Variants in NASP observed in about 807,000 individuals in gnomAD.
NASP encodes NASP histone chaperone.
Under a neutral mutation model 89.5 loss-of-function variants are expected in NASP, and 24 were observed. The ratio of observed to expected loss-of-function variants is 0.27; its 90% confidence interval spans 0.19 to 0.38. The LOEUF is 0.38. Ranked by LOEUF, NASP falls within the 10% of genes least tolerant of loss-of-function variation. NASP has a pLI of 1.00. For missense variants in NASP, 848 were observed against 921.4 expected (o/e 0.92, Z 1.03); for synonymous variants, 306 against 324.7 (o/e 0.94, Z 0.62).
chr1:45,592,356 C>T (rs914155063), intron 2 of NASP, among the ~76,000 whole-genome samples: 1 of 152,294 alleles, frequency 6.6e-6, no homozygotes, highest in African/African-American at 2.4e-5. Flanking sequence ...CAAGCAATCC[C>T]CCTGCCTTGG....
chr1:45,613,247 A>G lies in NASP; in HGVS notation c.1505A>G (p.Lys502Arg). 1 of 1,609,820 alleles carries G rather than the reference A, an allele frequency of 6.2e-7. No individual in the cohort carries two copies. The highest frequency in any genetic ancestry group is 2.2e-5 in the East Asian group (1 of 44,738). ...CCAAATGATTCAGTCCTTGAAAACA[A>G]GGTATGTTGTTAGCCACTCAGTACT... ...EMPNDSVLENKSLQENEEEEI... is the reference protein window; with the variant it reads ...EMPNDSVLENRSLQENEEEEI... Residue 502 changes from lysine to arginine, a missense_variant and splice_region_variant, in exon 7 of 15, where the codon AAG becomes AGG. This residue lies in a region of NASP where 464 missense variants were observed against 469.4 expected (regional missense o/e 0.99). Coordinates refer to ENST00000350030, the MANE Select transcript of NASP (RefSeq NM_002482.4).
At chr1:45,598,395 C>G in intron 2 of NASP, among the ~76,000 whole-genome samples, 1 of 152,126 alleles carries the variant, frequency 6.6e-6, no homozygotes, top group East Asian at 1.9e-4. Context: ...TGTGCCTGGA[C>G]CCATTAGTTT....
chr1:45,584,211 C>T lies in NASP; in HGVS notation c.59+6C>T. 2.5e-6 allele frequency: 4 copies of T among 1,582,154 alleles called. No homozygotes were observed. Among genetic ancestry groups the T allele is most frequent in the Non-Finnish European group, 3.4e-6 (4 of 1,163,740 alleles). ...GAGCTGGTTTCTGCCGACAAGTAAG[C>T]GGGACTGTGGAAAGCTTAAGGCACT... is the stretch of plus-strand genomic sequence containing the variant. On this transcript the variant is annotated splice_donor_region_variant and intron_variant, in intron 1 of 14. Coordinates refer to ENST00000350030, the MANE Select transcript of NASP (RefSeq NM_002482.4).
intron 3 of NASP, among the ~76,000 whole-genome samples, chr1:45,604,380 A>C (rs756346643): frequency 6.6e-6 from 1 of 152,256 alleles, no homozygotes; most frequent in African/African-American, 2.4e-5. Flanking sequence ...GTGCTTTTAC[A>C]TACATTAACT....
intron 2 of NASP, among the ~76,000 whole-genome samples, chr1:45,598,877 G>A (rs563455724): frequency 5.3e-5 from 8 of 152,248 alleles, no homozygotes; most frequent in Non-Finnish European, 1.2e-4. Context: ...TTTATGAGGT[G>A]TAGATCCTAG....
chr1:45,599,484 G>C (rs748296959), intron 2 of NASP, among the ~76,000 whole-genome samples: 2 of 151,922 alleles, frequency 1.3e-5, no homozygotes, highest in Non-Finnish European at 2.9e-5. Context: ...CTGGAGTGCA[G>C]TGGCACAATC....
chr1:45,609,781 A>G (rs1180878260), intron 6 of NASP: 1 of 152,278 alleles, frequency 6.6e-6, no homozygotes, highest in South Asian at 2.1e-4. Flanking sequence ...TTTAAAGGTT[A>G]CATGACTTGT....
intron 1 of NASP, among the ~76,000 whole-genome samples, chr1:45,585,490 T>C (rs1040833954): frequency 1.3e-5 from 2 of 152,290 alleles, no homozygotes; most frequent in South Asian, 4.1e-4. Flanking sequence ...TGGGAACTCA[T>C]GGGAAATACA....
rs769308562 is a variant in NASP at position 45,591,249 on chromosome 1, C to G, written c.86C>G (p.Thr29Arg). Residue 29 changes from threonine to arginine, a missense_variant, in exon 2 of 15, where the codon ACA becomes AGA. Transcript: ENST00000350030. Reference protein sequence around the residue: ...DKIEDVPAPSTSADKVESLDV... With the variant: ...DKIEDVPAPSRSADKVESLDV... ...ATTGAAGATGTTCCTGCTCCTTCTA[C>G]ATCTGCAGATAAAGTGGAGAGGTAA... 1 of 1,547,540 alleles carries G rather than the reference C, an allele frequency of 6.5e-7. No homozygotes were observed. Among genetic ancestry groups the G allele is most frequent in the East Asian group, 2.4e-5 (1 of 42,054 alleles).
rs1643939297 is a variant in NASP, at chr1:45,607,993, C to T, written c.1082C>T (p.Ser361Leu). 2 of 1,614,062 alleles carry T rather than the reference C, an allele frequency of 1.2e-6. No individual in the cohort carries two copies. Among genetic ancestry groups the T allele is most frequent in the Non-Finnish European group, 1.7e-6 (2 of 1,179,960 alleles). Residue 361 changes from serine to leucine, a missense_variant, in exon 6 of 15, where the codon TCA (serine) becomes TTA (leucine). This residue lies in a region of NASP where 464 missense variants were observed against 469.4 expected (regional missense o/e 0.99). Coordinates refer to ENST00000350030, the MANE Select transcript of NASP (RefSeq NM_002482.4). ...AAEASAVEAG[S>L]EVSEKPGQEA... ...GAGGCCTCAGCTGTAGAGGCTGGAT[C>T]AGAAGTCTCTGAAAAGCCTGGGCAG...
intron 2 of NASP, among the ~76,000 whole-genome samples, chr1:45,597,458 A>G (rs1162585840): frequency 6.6e-6 from 1 of 152,126 alleles, no homozygotes; most frequent in East Asian, 1.9e-4. Flanking sequence ...AATGAAAAGA[A>G]AACACGGTAG....
intron 2 of NASP, among the ~76,000 whole-genome samples, chr1:45,598,156 T>G (rs1053757609): frequency 2.7e-5 from 4 of 148,332 alleles, no homozygotes; most frequent in African/African-American, 9.9e-5. Flanking sequence ...TTTGACCCAA[T>G]CCATTACTCC....
intron 5 of NASP, 137 bp from the exon 6 acceptor site, chr1:45,607,184 C>A: frequency 1.2e-6 from 1 of 845,928 alleles, no homozygotes; most frequent in Non-Finnish European, 1.8e-6. Context: ...CTCTAGGGGG[C>A]AGATAATTTT....
intron 2 of NASP, among the ~76,000 whole-genome samples, chr1:45,595,914 G>A (rs1643684282): frequency 6.6e-6 from 1 of 152,220 alleles, no homozygotes; most frequent in South Asian, 2.1e-4. Flanking sequence ...GTGATTAAGA[G>A]TTGATTGAGC....
rs147691168 is a variant in NASP, at chr1:45,607,845, G to A, written c.934G>A (p.Asp312Asn). ...PTVKPVDVGG[D>N]EPEEKVVTSE... ...AGTCAAGCCAGTGGATGTGGGTGGG[G>A]ACGAGCCAGAGGAGAAGGTAGTTAC... Residue 312 changes from aspartate to asparagine, a missense_variant, in exon 6 of 15, where the codon GAC becomes AAC. Physicochemically the swap from Asp to Asn is conservative, Grantham distance 23 (BLOSUM62 1). Transcript: ENST00000350030. 465 of 1,614,180 alleles carry A rather than the reference G, an allele frequency of 2.9e-4. 5 individuals carry two copies. In the East Asian group the frequency reaches 9.7e-3, roughly 34 times the overall value.
Position 45,599,805 on chromosome 1 carries a change from C to G in NASP, c.108-2450C>G, listed in dbSNP as rs990050823. 3.0e-4 allele frequency among the ~76,000 whole-genome samples: 46 copies of G among 152,274 alleles called. 1 individual carries two copies. Among genetic ancestry groups the G allele is most frequent in the African/African-American group, 1.0e-3 (42 of 41,542 alleles). On this transcript the variant is annotated intron_variant, in intron 2 of 14. Transcript: ENST00000350030. ...AAGTCTATACTAATGTGATGCTGCT[C>G]TCTCCCTCTTCCTCACCTTTATTTC...
Position 45,615,296 on chromosome 1 carries a change from T to A in NASP, c.1856-9T>A. The A allele has an allele frequency of 6.2e-7, 1 of 1,613,008 alleles. No individual in the cohort carries two copies. Among genetic ancestry groups the A allele is most frequent in the South Asian group, 1.1e-5 (1 of 90,896 alleles). ...TTTGAGCCATTACTAATCACTTTAT[T>A]CTTTTTAGCTGTACTAAACGAGCAG... On this transcript the variant is annotated splice_polypyrimidine_tract_variant and intron_variant, in intron 10 of 14. Coordinates refer to ENST00000350030, the MANE Select transcript of NASP (RefSeq NM_002482.4).
intron 6 of NASP, chr1:45,609,540 C>T (rs1365032652): frequency 2.6e-5 from 4 of 152,074 alleles, no homozygotes; most frequent in Non-Finnish European, 1.5e-5. Context: ...AAACAAAACT[C>T]CCATGTCTTG....
chr1:45,616,527 A>G (rs1252888829), intron 12 of NASP, 99 bp from the exon 13 acceptor site: 8 of 1,499,432 alleles, frequency 5.3e-6, no homozygotes, highest in Non-Finnish European at 7.4e-6. Flanking sequence ...CTTGGGCAAC[A>G]TAGTGAGACC....
Sources: allele counts gnomAD v4.1 joint callset (sites outside exome capture counted in the v4.1 genomes callset), GRCh38; gene constraint gnomAD v4.1.1; regional missense constraint gnomAD v4.1.1; transcripts MANE v1.5; gene names NCBI Gene and HGNC (gene_info 2026-07-23, HGNC 2026-07-21).